Variants in VTCN1 observed in about 807,000 individuals in gnomAD.
VTCN1 encodes V-set domain containing T cell activation inhibitor 1, also known as V-set domain-containing T-cell activation inhibitor 1.
A neutral mutation model predicts 26.5 loss-of-function variants in VTCN1; 26 were observed. The ratio of observed to expected loss-of-function variants is 0.98; its 90% CI spans 0.72 to 1.36. The LOEUF (loss-of-function observed/expected upper bound fraction) is 1.36, where lower values mean the gene tolerates loss of function less well. Ranked by LOEUF, VTCN1 falls within the 40% of genes most tolerant of loss-of-function variation. The pLI is 0.00. For synonymous variants in VTCN1, 116 were observed against 130.7 expected, an observed-to-expected ratio of 0.89 and a Z score of 0.77; for missense variants, 298 against 337.7, an observed-to-expected ratio of 0.88 and a Z score of 0.92.
chr1:117,175,553 G>C lies in VTCN1; in HGVS notation c.33-5382C>G, dbSNP rs1647289642. Among the ~76,000 whole-genome samples, 1 of 152,124 alleles carries C rather than the reference G, an allele frequency of 6.6e-6. No homozygotes were observed. ...GCCATGCTAAGCTTTTCCCACTGAA[G>C]TTCTCATTCTATTCTGCTATTTCAA... On this transcript the variant is annotated intron_variant, in intron 1 of 5. Transcript: ENST00000369458. The surrounding 1 kb of genome is among the most constrained non-coding windows in gnomAD (Gnocchi z 4.2).
intron 1 of VTCN1, among the ~76,000 whole-genome samples, chr1:117,195,505 G>A (rs1648464017): frequency 6.6e-6 from 1 of 151,734 alleles, no homozygotes; most frequent in Non-Finnish European, 1.5e-5. Flanking sequence ...TTAAGCTGTG[G>A]GGAAAAAAGA....
intron 1 of VTCN1, among the ~76,000 whole-genome samples, chr1:117,189,806 C>T (rs1195866985): frequency 6.6e-6 from 1 of 152,090 alleles, no homozygotes; most frequent in Admixed American, 6.5e-5. Flanking sequence ...ACTCCTATTC[C>T]CCCACAGCAA....
At chr1:117,151,250 G>A (rs949806805) in intron 4 of VTCN1, among the ~76,000 whole-genome samples, 19 of 149,772 alleles carry the variant, frequency 1.3e-4, no homozygotes, top group East Asian at 9.8e-4. Context: ...TGGTGTGTCC[G>A]GAGTTTGTTC....
intron 3 of VTCN1, among the ~76,000 whole-genome samples, chr1:117,153,635 G>T (rs958843020): frequency 6.6e-6 from 1 of 151,964 alleles, no homozygotes; most frequent in Admixed American, 6.6e-5. Context: ...GTATATTATG[G>T]TTACAATAGA....
intron 2 of VTCN1, among the ~76,000 whole-genome samples, chr1:117,165,496 G>T (rs1451809721): frequency 6.6e-6 from 1 of 152,136 alleles, no homozygotes; most frequent in Non-Finnish European, 1.5e-5. Flanking sequence ...TCATCCCCTT[G>T]GTGATAAGTG....
At chr1:117,157,146 A>G in intron 2 of VTCN1, 1 of 434,142 alleles carries the variant, frequency 2.3e-6, no homozygotes, top group Non-Finnish European at 3.5e-6. Context: ...GGCTTATGTA[A>G]GACCAAGTAA....
At chr1:117,192,983 A>T (rs932935517) in intron 1 of VTCN1, among the ~76,000 whole-genome samples, 1 of 152,136 alleles carries the variant, frequency 6.6e-6, no homozygotes, top group East Asian at 1.9e-4. Flanking sequence ...TAGGAAGAAA[A>T]CAAAATAACA....
chr1:117,164,814 C>T (rs1029750408), intron 2 of VTCN1, among the ~76,000 whole-genome samples: 11 of 152,228 alleles, frequency 7.2e-5, no homozygotes, highest in Non-Finnish European at 1.6e-4. Flanking sequence ...ATCACGTCTC[C>T]TTCCTTCTCG....
chr1:117,150,848 G>A (rs955553897), intron 4 of VTCN1, among the ~76,000 whole-genome samples: 1 of 152,114 alleles, frequency 6.6e-6, no homozygotes, highest in African/African-American at 2.4e-5. Flanking sequence ...TGCTTTAGAT[G>A]CTTTGTTTAA....
chr1:117,192,141 G>T (rs949817968), intron 1 of VTCN1, among the ~76,000 whole-genome samples: 1 of 152,052 alleles, frequency 6.6e-6, no homozygotes, highest in Non-Finnish European at 1.5e-5. Flanking sequence ...AATTTTGAAA[G>T]CAGCAGGAAA....
At chr1:117,203,354 G>A (rs970562083) in intron 1 of VTCN1, among the ~76,000 whole-genome samples, 7 of 152,090 alleles carry the variant, frequency 4.6e-5, no homozygotes, top group Non-Finnish European at 5.9e-5. Context: ...GGTGAGGCAG[G>A]GAGCTACAAG....
intron 1 of VTCN1, chr1:117,203,803 C>T (rs1400556204): frequency 3.0e-6 from 3 of 985,160 alleles, no homozygotes; most frequent in Non-Finnish European, 3.6e-6. Flanking sequence ...TACAGAGAAT[C>T]ACCTGGAGGT....
At chr1:117,186,915 T>G (rs1647972202) in intron 1 of VTCN1, among the ~76,000 whole-genome samples, 1 of 151,980 alleles carries the variant, frequency 6.6e-6, no homozygotes, top group Non-Finnish European at 1.5e-5. Flanking sequence ...CTTGAATTCC[T>G]TAGGGCAGAT....
intron 1 of VTCN1, among the ~76,000 whole-genome samples, chr1:117,202,578 G>A (rs1648842136): frequency 6.6e-6 from 1 of 152,206 alleles, no homozygotes; most frequent in African/African-American, 2.4e-5. Context: ...TCTAGAGTAA[G>A]TTGAAAAGGA....
intron 1 of VTCN1, among the ~76,000 whole-genome samples, chr1:117,197,048 C>T (rs1426782945): frequency 6.6e-6 from 1 of 152,194 alleles, no homozygotes; most frequent in African/African-American, 2.4e-5. Flanking sequence ...TAGCAGGAGC[C>T]TCTACCCATA....
At chr1:117,180,703 C>T (rs948482269) in intron 1 of VTCN1, among the ~76,000 whole-genome samples, 1 of 152,194 alleles carries the variant, frequency 6.6e-6, no homozygotes, top group African/African-American at 2.4e-5. Flanking sequence ...CTAATGAACA[C>T]TTCTTTTCAT....
chr1:117,176,629 T>C (rs1647368244), intron 1 of VTCN1, among the ~76,000 whole-genome samples: 1 of 152,244 alleles, frequency 6.6e-6, no homozygotes, highest in African/African-American at 2.4e-5. Context: ...TTGATAAATG[T>C]TTAAAACCCT....
At chr1:117,198,147 CT>C (rs966187963) in intron 1 of VTCN1, among the ~76,000 whole-genome samples, 4 of 152,220 alleles carry the variant, frequency 2.6e-5, no homozygotes, top group Non-Finnish European at 5.9e-5. Flanking sequence ...AAGCCCCACC[CT>C]ACCTTTCAAC....
At chr1:117,198,785 C>G (rs914746131) in intron 1 of VTCN1, among the ~76,000 whole-genome samples, 1 of 152,200 alleles carries the variant, frequency 6.6e-6, no homozygotes, top group Non-Finnish European at 1.5e-5. Flanking sequence ...TTGAGAAATA[C>G]GGGGTGATCC....
Sources: gnomAD v4.1 joint callset for allele counts (sites outside exome capture counted in the v4.1 genomes callset) on GRCh38, gnomAD v4.1.1 for gene constraint, Gnocchi (gnomAD v3.1) non-coding constraint, MANE v1.5 for transcripts, NCBI Gene and HGNC (gene_info 2026-07-23, HGNC 2026-07-21) for gene names.